The following SMARCAL1 variants were observed in gnomAD, a reference collection of about 807,000 sequenced individuals.
SMARCAL1 encodes SNF2 related chromatin remodeling annealing helicase 1.
In SMARCAL1, 58 loss-of-function variants were observed where a neutral mutation model predicts 94.5. The observed-to-expected ratio is 0.61, with a 90% CI of 0.50 to 0.76. The LOEUF (loss-of-function observed/expected upper bound fraction) is 0.76, where lower values mean the gene tolerates loss of function less well. Ranked by LOEUF, SMARCAL1 falls within the 30% of genes least tolerant of loss-of-function variation. SMARCAL1 has a pLI of 0.00. For synonymous variants in SMARCAL1, 422 were observed against 455.1 expected (o/e 0.93, Z 0.93); for missense variants, 1,051 against 1,177.9 (o/e 0.89, Z 1.58).
chr2:216,455,399 C>T (rs1219926582), intron 12 of SMARCAL1, among the ~76,000 whole-genome samples: 1 of 152,216 alleles, frequency 6.6e-6, no homozygotes, highest in Non-Finnish European at 1.5e-5. Context: ...GATAGACTGC[C>T]TCCTCAAGTG....
chr2:216,425,694 G>T (rs529622561), intron 6 of SMARCAL1, among the ~76,000 whole-genome samples: 138 of 152,228 alleles, frequency 9.1e-4, no homozygotes, highest in Non-Finnish European at 1.7e-3. Context: ...TTGAGCAACA[G>T]AACAGCTCTT....
chr2:216,449,080 T>C (rs1251466562), intron 11 of SMARCAL1, among the ~76,000 whole-genome samples: 1 of 152,220 alleles, frequency 6.6e-6, no homozygotes, highest in African/African-American at 2.4e-5. Flanking sequence ...GCCTTCTTGC[T>C]CTTCATAACA....
chr2:216,475,491 T>G lies in SMARCAL1; in HGVS notation c.2427+40T>G, dbSNP rs1695054767. ...AGACTCAGATACTCCCCAGGCATGCTCATGGCTGTGGGCAGGAAGCAGTGA... is the reference window on the plus strand; with the variant it reads ...AGACTCAGATACTCCCCAGGCATGCGCATGGCTGTGGGCAGGAAGCAGTGA... On this transcript the variant is annotated intron_variant, in intron 15 of 17. Coordinates refer to ENST00000357276, the MANE Select transcript of SMARCAL1 (RefSeq NM_014140.4). This position sits in a 1 kb window ranked among gnomAD's most constrained non-coding sequence, Gnocchi z 4.4. The G allele has an allele frequency of 1.3e-6, 2 of 1,592,738 alleles. No individual in the cohort carries two copies. The highest frequency in any genetic ancestry group is 2.7e-5 in the African/African-American group (2 of 74,510).
chr2:216,466,162 C>T (rs1405292988), intron 13 of SMARCAL1, among the ~76,000 whole-genome samples: 1 of 152,180 alleles, frequency 6.6e-6, no homozygotes, highest in Non-Finnish European at 1.5e-5. Flanking sequence ...AATTCAGAGT[C>T]CACCAGGTGC....
chr2:216,474,128 C>CTTTTTTTTTTTTTTTTTTTT (rs1182416023), intron 14 of SMARCAL1, among the ~76,000 whole-genome samples: 3 of 64,894 alleles, frequency 4.6e-5, no homozygotes, highest in African/African-American at 1.7e-4. Flanking sequence ...GTATAGCATT[C>CTTTTTTTTTTTTTTTTTTTT]TTTTTTTTTT....
intron 10 of SMARCAL1, among the ~76,000 whole-genome samples, chr2:216,440,901 G>A (rs889388715): frequency 1.3e-5 from 2 of 152,034 alleles, no homozygotes; most frequent in South Asian, 2.1e-4. Context: ...AGATGCCACC[G>A]AATGTCCTCT....
At chr2:216,476,550 CA>C (rs1164478148) in intron 15 of SMARCAL1, among the ~76,000 whole-genome samples, 6 of 152,110 alleles carry the variant, frequency 3.9e-5, no homozygotes, top group African/African-American at 1.4e-4. Context: ...TGGGCTCAAG[CA>C]ATCTGCCTGC....
chr2:216,470,723 C>T (rs766572922), intron 14 of SMARCAL1, among the ~76,000 whole-genome samples: 23 of 150,418 alleles, frequency 1.5e-4, no homozygotes, highest in Non-Finnish European at 3.1e-4. Flanking sequence ...TGGGCTCAAG[C>T]AATTCTTTTG....
intron 6 of SMARCAL1, chr2:216,427,558 A>T (rs1380706233): frequency 6.6e-6 from 1 of 152,208 alleles, no homozygotes; most frequent in Non-Finnish European, 1.5e-5. Flanking sequence ...TTTAATTTGG[A>T]GGTATAAAAT....
chr2:216,450,130 G>A (rs948313200), intron 11 of SMARCAL1, among the ~76,000 whole-genome samples: 2 of 152,166 alleles, frequency 1.3e-5, no homozygotes, highest in East Asian at 1.9e-4. Flanking sequence ...GATTACAGGC[G>A]TGAGCCACTG....
intron 14 of SMARCAL1, among the ~76,000 whole-genome samples, chr2:216,474,454 G>GA (rs111287911): frequency 1.6e-3 from 190 of 115,412 alleles, no homozygotes; most frequent in East Asian, 2.4e-3. Context: ...GTGCATTCTT[G>GA]AAAAAAAAAA....
intron 5 of SMARCAL1, among the ~76,000 whole-genome samples, chr2:216,423,357 C>T (rs1693765475): frequency 6.6e-6 from 1 of 152,204 alleles, no homozygotes; most frequent in African/African-American, 2.4e-5. Flanking sequence ...ACCTGCTAGA[C>T]CCTCCCCAGC....
In SMARCAL1 at chr2:216,438,600, G is replaced by T. The variant is rs534005296; in HGVS notation, c.1710+115G>T. ...TGCAAGTATAGACCTGTGGGCCATG[G>T]TCATGACTTGGCATTGACTTAGGGC... On this transcript the variant is annotated intron_variant, in intron 10 of 17. Coordinates refer to ENST00000357276, the MANE Select transcript of SMARCAL1 (RefSeq NM_014140.4). 1.4e-5 allele frequency: 12 copies of T among 852,022 alleles called. No homozygotes were observed. The South Asian group carries it at 1.6e-4, about 11-fold the overall frequency. The allele number at this position is 852,022 out of a possible 1,614,324, so 52.8% of individuals were successfully genotyped here.
chr2:216,415,807 GT>G, intron 3 of SMARCAL1: 6 of 480,318 alleles, frequency 1.2e-5, no homozygotes, highest in South Asian at 2.3e-5. Context: ...CTGAACAGCA[GT>G]TTTTTTGAAA....
intron 12 of SMARCAL1, among the ~76,000 whole-genome samples, chr2:216,460,200 G>A (rs1694664474): frequency 6.6e-6 from 1 of 152,226 alleles, no homozygotes; most frequent in Non-Finnish European, 1.5e-5. Context: ...GTGCTAGAGA[G>A]GATGTGGAGA....
chr2:216,456,862 G>A (rs1262019868), intron 12 of SMARCAL1, among the ~76,000 whole-genome samples: 3 of 152,146 alleles, frequency 2.0e-5, no homozygotes, highest in Admixed American at 6.5e-5. Flanking sequence ...CTTAAATGTA[G>A]ATGGGCTAAA....
rs1472810771 is a variant in SMARCAL1 at position 216,414,765 on chromosome 2, C to G, written c.61C>G (p.Leu21Val). 6.2e-7 allele frequency: 1 copy of G among 1,614,112 alleles called. No homozygotes were observed. Among genetic ancestry groups the G allele is most frequent in the African/African-American group, 1.3e-5 (1 of 74,930 alleles). ...GATTGAAGAGAATCGACAAAAGGCTCTGGCCCGCAGAGCTGAGAAGTTATT... is the reference window on the plus strand; with the variant it reads ...GATTGAAGAGAATCGACAAAAGGCTGTGGCCCGCAGAGCTGAGAAGTTATT... ...KKIEENRQKA[L>V]ARRAEKLLAE... Residue 21 changes from leucine to valine, a missense_variant, in exon 3 of 18, where the codon CTG becomes GTG. Around this residue, in one of 3 missense-constraint regions of SMARCAL1, gnomAD observed 398 missense variants for 395.2 expected, o/e 1.01. Coordinates refer to ENST00000357276, the MANE Select transcript of SMARCAL1 (RefSeq NM_014140.4).
chr2:216,452,230 G>T (rs1328663807), intron 12 of SMARCAL1, among the ~76,000 whole-genome samples: 2 of 152,132 alleles, frequency 1.3e-5, no homozygotes, highest in African/African-American at 4.8e-5. Flanking sequence ...GTGGAATCAT[G>T]AGTAAAACCA....
chr2:216,430,196 T>G (rs1693934073), intron 7 of SMARCAL1, among the ~76,000 whole-genome samples: 1 of 152,176 alleles, frequency 6.6e-6, no homozygotes, highest in Admixed American at 6.5e-5. Context: ...TAATCTTTCT[T>G]CAGAATTTTC....
Sources: allele counts gnomAD v4.1 joint callset (sites outside exome capture counted in the v4.1 genomes callset), GRCh38; gene constraint gnomAD v4.1.1; regional missense constraint gnomAD v4.1.1; non-coding constraint Gnocchi (gnomAD v3.1); transcripts MANE v1.5; gene names NCBI Gene and HGNC (gene_info 2026-07-23, HGNC 2026-07-21).